Variants in DEPDC5 observed in about 807,000 individuals in gnomAD.
DEPDC5 encodes GATOR1 complex protein DEPDC5.
In DEPDC5, 73 loss-of-function variants were observed where a neutral mutation model predicts 217.3. The observed-to-expected ratio is 0.34, with a 90% CI of 0.28 to 0.41. The LOEUF (loss-of-function observed/expected upper bound fraction) is 0.41. Among genes scored for constraint, DEPDC5 ranks in the 10% least tolerant of loss-of-function variants. The probability of loss-of-function intolerance (pLI) is 1.00; values close to 1 mark genes in which losing one functional copy is unlikely to be tolerated. For synonymous variants in DEPDC5, 733 were observed against 756.7 expected (o/e 0.97, Z 0.51); for missense variants, 1,675 against 2,070.1 (o/e 0.81, Z 3.70).
At chr22:31,861,227 C>T (rs371678390) in intron 32 of DEPDC5, 141 bp from the exon 33 acceptor site, 159 of 242,978 alleles carry the variant, frequency 6.5e-4, no homozygotes, top group South Asian at 2.8e-3. Flanking sequence ...GTCCTTGTTT[C>T]TCTCCTTCCC....
intron 41 of DEPDC5, among the ~76,000 whole-genome samples, chr22:31,902,417 T>TATATATAC (rs2093666363): frequency 7.1e-6 from 1 of 140,288 alleles, no homozygotes; most frequent in Non-Finnish European, 1.5e-5. Context: ...ATTATATATA[T>TATATATAC]ATATATATAT....
intron 38 of DEPDC5, among the ~76,000 whole-genome samples, chr22:31,887,236 C>T (rs1400290919): frequency 2.0e-5 from 3 of 151,580 alleles, no homozygotes; most frequent in Non-Finnish European, 4.4e-5. Context: ...CTGGCCAACA[C>T]GATGAATCCC....
chr22:31,820,729 C>G (rs1569009966), intron 22 of DEPDC5, among the ~76,000 whole-genome samples: 1 of 152,132 alleles, frequency 6.6e-6, no homozygotes, highest in Non-Finnish European at 1.5e-5. Context: ...TCTCCTCCTC[C>G]CACTCTTCAT....
intron 8 of DEPDC5, among the ~76,000 whole-genome samples, chr22:31,779,427 C>T (rs913295817): frequency 2.0e-5 from 3 of 152,106 alleles, no homozygotes; most frequent in African/African-American, 7.2e-5. Context: ...AAGAGTATTC[C>T]AGGCAAAGGA....
chr22:31,906,235 A>G lies in DEPDC5; in HGVS notation c.4550A>G (p.Lys1517Arg). 6.2e-7 allele frequency: 1 copy of G among 1,613,934 alleles called. No homozygotes were observed. The highest frequency in any genetic ancestry group is 8.5e-7 in the Non-Finnish European group (1 of 1,179,970). ...GTVFLQLPYS[K>R]RKFSGQQRRR... ...GTGTTTCTGCAGCTGCCCTACTCCA[A>G]GCGCAAGTTCTCAGGGCAGCAGCGG... The change falls in exon 43 of 43, where the codon AAG becomes AGG. Residue 1517 changes from lysine (K) to arginine (R), a missense_variant. Lys to Arg is a conservative substitution (Grantham distance 26, BLOSUM62 2). This residue lies in a region of DEPDC5 where 182 missense variants were observed against 290.1 expected (regional missense o/e 0.63). Coordinates refer to ENST00000651528, the MANE Select transcript of DEPDC5 (RefSeq NM_001242896.3). This position sits in a 1 kb window ranked among gnomAD's most constrained non-coding sequence, Gnocchi z 5.1.
In DEPDC5 at chr22:31,906,412, T is replaced by G. The variant is rs1025857773; in HGVS notation, c.4727T>G (p.Phe1576Cys). Residue 1576 changes from phenylalanine (F) to cysteine (C), a missense_variant, in exon 43 of 43, where the codon TTC becomes TGC. Transcript: ENST00000651528. This position sits in a 1 kb window ranked among gnomAD's most constrained non-coding sequence, Gnocchi z 5.1. ...EKFADRLLKDFTDFCINRDNR... is the reference protein window; with the variant it reads ...EKFADRLLKDCTDFCINRDNR... ...TTTGCTGATCGGCTGCTGAAGGACT[T>G]CACGGACTTCTGCATCAACCGTGAC... is the stretch of plus-strand genomic sequence containing the variant. The G allele has an allele frequency of 1.2e-6, 2 of 1,613,960 alleles. No individual in the cohort carries two copies. Among genetic ancestry groups the G allele is most frequent in the Non-Finnish European group, 1.7e-6 (2 of 1,180,042 alleles).
Position 31,858,992 on chromosome 22 carries a change from T to G in DEPDC5, c.3264+1439T>G, listed in dbSNP as rs191939685. On this transcript the variant is annotated intron_variant, in intron 32 of 42. Coordinates refer to ENST00000651528, the MANE Select transcript of DEPDC5 (RefSeq NM_001242896.3). ...CGTTGGCAAACCTAAATACATATTT[T>G]AGACTTTGTGGCCAAGAGGCAAAGC... 4.6e-5 allele frequency: 7 copies of G among 152,142 alleles called. No individual in the cohort carries two copies. The East Asian group carries it at 1.2e-3, about 25-fold the overall frequency. 9.4% of individuals were successfully genotyped at this position (152,142 alleles called of 1,614,324 possible).
At chr22:31,781,855 G>C (rs1601788281) in intron 8 of DEPDC5, among the ~76,000 whole-genome samples, 2 of 152,182 alleles carry the variant, frequency 1.3e-5, no homozygotes, top group Non-Finnish European at 2.9e-5. Context: ...GGCAACAGAG[G>C]GAGACCCCAT....
intron 38 of DEPDC5, among the ~76,000 whole-genome samples, chr22:31,880,428 G>A (rs1315846914): frequency 6.6e-6 from 1 of 152,198 alleles, no homozygotes; most frequent in Non-Finnish European, 1.5e-5. Context: ...CAAAGACCAT[G>A]GGATTTATCT....
At chr22:31,842,485 G>C (rs1242240536) in intron 27 of DEPDC5, among the ~76,000 whole-genome samples, 1 of 147,516 alleles carries the variant, frequency 6.8e-6, no homozygotes, top group Non-Finnish European at 1.5e-5. Flanking sequence ...TGAGACAGGA[G>C]AATTGCTTGA....
chr22:31,844,856 C>T, intron 29 of DEPDC5, 162 bp from the exon 30 acceptor site: 1 of 774,214 alleles, frequency 1.3e-6, no homozygotes, highest in African/African-American at 1.8e-5. Context: ...TGCCCATTCT[C>T]AGAACTTGTA....
At chr22:31,846,764 C>T (rs928019728) in intron 30 of DEPDC5, 70 bp from the exon 31 acceptor site, 36 of 1,608,108 alleles carry the variant, frequency 2.2e-5, no homozygotes, top group Non-Finnish European at 2.9e-5. Flanking sequence ...TGCAGCATGC[C>T]CTGGGGCATG....
At chr22:31,901,136 G>A (rs150321259) in intron 40 of DEPDC5, among the ~76,000 whole-genome samples, 2,192 of 151,872 alleles carry the variant, frequency 0.014, 19 homozygotes, top group Middle Eastern at 0.031. Context: ...CCAGCTACTC[G>A]GGAGGCTGAG....
At chr22:31,760,315 G>A (rs1189654857) in intron 3 of DEPDC5, among the ~76,000 whole-genome samples, 3 of 151,918 alleles carry the variant, frequency 2.0e-5, no homozygotes, top group East Asian at 1.9e-4. Flanking sequence ...TGATCCGCCC[G>A]TCTCGGCCTC....
chr22:31,906,363 T>C lies in DEPDC5; in HGVS notation c.4678T>C (p.Ser1560Pro), dbSNP rs368592565. 6 of 1,614,078 alleles carry C rather than the reference T, an allele frequency of 3.7e-6. No individual in the cohort carries two copies. The highest frequency in any genetic ancestry group is 1.3e-5 in the African/African-American group (1 of 75,090). ...CACCATGCTCACCAAAACATGGCGC[T>C]CCAGCGCCACAGGGGATGAAAAGTT... ...YNTMLTKTWR[S>P]SATGDEKFAD... The change falls in exon 43 of 43, where the codon TCC becomes CCC. Residue 1560 changes from serine (S) to proline (P), a missense_variant. This residue lies in a region of DEPDC5 where 49 missense variants were observed against 74.7 expected (regional missense o/e 0.66). Transcript: ENST00000651528. This position sits in a 1 kb window ranked among gnomAD's most constrained non-coding sequence, Gnocchi z 5.1.
chr22:31,866,625 C>G (rs1328094630), intron 33 of DEPDC5, among the ~76,000 whole-genome samples: 2 of 152,120 alleles, frequency 1.3e-5, no homozygotes, highest in Admixed American at 6.6e-5. Context: ...ACCTTGTGAT[C>G]CGCCCACCTC....
chr22:31,855,380 C>CTT (rs56923919), intron 31 of DEPDC5, among the ~76,000 whole-genome samples: 25 of 137,144 alleles, frequency 1.8e-4, no homozygotes, highest in African/African-American at 2.4e-4. Context: ...CAAAATATTT[C>CTT]TTTTTTTTTT....
At chr22:31,876,900 C>A (rs1259122446) in intron 37 of DEPDC5, among the ~76,000 whole-genome samples, 1 of 152,166 alleles carries the variant, frequency 6.6e-6, no homozygotes, top group Non-Finnish European at 1.5e-5. Flanking sequence ...TACCTGTAAT[C>A]CCAGCACTTT....
chr22:31,838,930 A>C (rs2091219117), intron 27 of DEPDC5, 85 bp downstream of exon 27: 3 of 1,390,978 alleles, frequency 2.2e-6, no homozygotes, highest in Non-Finnish European at 2.9e-6. Flanking sequence ...GTAGTAGATA[A>C]ATTTAGTAGT....
Sources: gnomAD v4.1 joint callset for allele counts (sites outside exome capture counted in the v4.1 genomes callset) on GRCh38, gnomAD v4.1.1 for gene constraint, gnomAD v4.1.1 regional missense constraint, Gnocchi (gnomAD v3.1) non-coding constraint, MANE v1.5 for transcripts, NCBI Gene and HGNC (gene_info 2026-07-23, HGNC 2026-07-21) for gene names.